The following FRYL variants were observed in gnomAD, a reference collection of about 807,000 sequenced individuals.
FRYL encodes the protein FRY like transcription coactivator.
Under a neutral mutation model 351.2 loss-of-function variants are expected in FRYL, and 150 were observed. The observed-to-expected ratio is 0.43, with a 90% CI of 0.37 to 0.49. The LOEUF (loss-of-function observed/expected upper bound fraction) is 0.49. Among genes scored for constraint, FRYL ranks in the 20% least tolerant of loss-of-function variants. The pLI is 0.00. For missense variants in FRYL, 3,036 were observed against 3,619.3 expected (o/e 0.84, Z 4.13); for synonymous variants, 1,153 against 1,257.1 (o/e 0.92, Z 1.75).
At chr4:48,716,190 A>G (rs1168004151) in intron 1 of FRYL, among the ~76,000 whole-genome samples, 1 of 151,848 alleles carries the variant, frequency 6.6e-6, no homozygotes, top group Non-Finnish European at 1.5e-5. Context: ...AAACCTAGGC[A>G]TTACCATTCA....
chr4:48,675,383 G>A (rs1303083130), intron 3 of FRYL, among the ~76,000 whole-genome samples: 2 of 152,214 alleles, frequency 1.3e-5, no homozygotes, highest in African/African-American at 4.8e-5. Context: ...CGGCGCTTGC[G>A]GGCCAGCTGG....
intron 3 of FRYL, among the ~76,000 whole-genome samples, chr4:48,676,058 G>A (rs952315241): frequency 2.6e-5 from 4 of 152,086 alleles, no homozygotes; most frequent in Non-Finnish European, 5.9e-5. Context: ...ATCTAGCTCA[G>A]GGATTGTAAA....
chr4:48,628,431 C>CGT (rs397993302), intron 4 of FRYL, among the ~76,000 whole-genome samples: 43,718 of 144,562 alleles, frequency 0.3, 7,732 homozygotes, highest in African/African-American at 0.5. Context: ...CCTTCATTTG[C>CGT]GTGTGTGTGT....
intron 26 of FRYL, among the ~76,000 whole-genome samples, chr4:48,571,473 C>T (rs921612095): frequency 6.6e-6 from 1 of 152,156 alleles, no homozygotes; most frequent in Non-Finnish European, 1.5e-5. Context: ...AACATTTCAA[C>T]GTGATTCTGC....
At chr4:48,740,593 C>A (rs1157916296) in intron 1 of FRYL, among the ~76,000 whole-genome samples, 1 of 152,044 alleles carries the variant, frequency 6.6e-6, no homozygotes, top group East Asian at 1.9e-4. Flanking sequence ...CCATGCCCGG[C>A]CACAACCTGA....
intron 16 of FRYL, among the ~76,000 whole-genome samples, chr4:48,592,840 T>A (rs1316990338): frequency 6.6e-6 from 1 of 152,190 alleles, no homozygotes; most frequent in East Asian, 1.9e-4. Flanking sequence ...AAAAGCTGCA[T>A]TATCTTTCCA....
At position 48,498,351 on chromosome 4, in the gene FRYL, T is replaced by C. The variant is rs1718840158; in HGVS notation, c.*1071A>G. On this transcript the variant is annotated 3_prime_UTR_variant, in exon 64 of 64. Transcript: ENST00000358350. The stretch of plus-strand genomic sequence containing the variant: ...TATATTCCATCATCAATGACCACAA[T>C]TTTTCTTTAGCTTTGTACACCTATT... 1 of 152,264 alleles carries C rather than the reference T, an allele frequency of 6.6e-6. No homozygotes were observed. The highest frequency in any genetic ancestry group is 1.5e-5 in the Non-Finnish European group (1 of 68,038). The allele number at this position is 152,264 out of a possible 1,614,324, so 9.4% of individuals were successfully genotyped here. A position where few individuals can be genotyped will look rare whatever the true frequency, so the allele number is the denominator to read the frequency against.
chr4:48,556,310 T>C (rs1366432099), intron 35 of FRYL, among the ~76,000 whole-genome samples: 1 of 152,240 alleles, frequency 6.6e-6, no homozygotes, highest in Non-Finnish European at 1.5e-5. Context: ...TGTGAGCATG[T>C]GTGTCCATTT....
intron 4 of FRYL, among the ~76,000 whole-genome samples, chr4:48,630,424 G>A (rs1318280351): frequency 6.6e-6 from 1 of 152,036 alleles, no homozygotes; most frequent in African/African-American, 2.4e-5. Flanking sequence ...TTAAAATGCT[G>A]GGCCTAAATC....
At chr4:48,720,278 A>T (rs952817487) in intron 1 of FRYL, among the ~76,000 whole-genome samples, 6 of 152,008 alleles carry the variant, frequency 3.9e-5, no homozygotes, top group African/African-American at 1.4e-4. Context: ...TGGGGAGATC[A>T]TGAGGTCAGG....
intron 13 of FRYL, among the ~76,000 whole-genome samples, chr4:48,601,241 T>C (rs1264278121): frequency 2.0e-5 from 3 of 152,340 alleles, no homozygotes; most frequent in Admixed American, 6.5e-5. Context: ...AAATGGAATG[T>C]CATGTCTGCA....
chr4:48,756,356 C>T (rs1397466230), intron 1 of FRYL, among the ~76,000 whole-genome samples: 1 of 152,010 alleles, frequency 6.6e-6, no homozygotes, highest in Non-Finnish European at 1.5e-5. Flanking sequence ...GAGCACATTC[C>T]TCACTCAAAT....
intron 1 of FRYL, among the ~76,000 whole-genome samples, chr4:48,712,522 A>G (rs957619300): frequency 6.6e-6 from 1 of 152,232 alleles, no homozygotes; most frequent in Admixed American, 6.5e-5. Flanking sequence ...TAGAGAAAAA[A>G]GAATAAAAAG....
chr4:48,548,159 T>A (rs1263645001), intron 40 of FRYL, among the ~76,000 whole-genome samples: 1 of 152,014 alleles, frequency 6.6e-6, no homozygotes, highest in African/African-American at 2.4e-5. Context: ...AGTGTGCCCA[T>A]CAGGAAAACT....
At chr4:48,675,319 C>T (rs1420362621) in intron 3 of FRYL, among the ~76,000 whole-genome samples, 1 of 152,220 alleles carries the variant, frequency 6.6e-6, no homozygotes, top group Non-Finnish European at 1.5e-5. Flanking sequence ...CCCACTCCCT[C>T]ACCTTGCAGG....
At chr4:48,655,709 T>C (rs1321744676) in intron 3 of FRYL, among the ~76,000 whole-genome samples, 2 of 146,788 alleles carry the variant, frequency 1.4e-5, no homozygotes, top group African/African-American at 2.5e-5. Context: ...AATGTATATA[T>C]ACATATAATG....
intron 18 of FRYL, among the ~76,000 whole-genome samples, chr4:48,588,212 A>T (rs1742543729): frequency 6.6e-6 from 1 of 152,238 alleles, no homozygotes; most frequent in African/African-American, 2.4e-5. Context: ...GAAATAGATA[A>T]TCAAAAGAGG....
intron 3 of FRYL, among the ~76,000 whole-genome samples, chr4:48,645,173 A>G (rs940676926): frequency 6.3e-5 from 7 of 111,922 alleles, no homozygotes; most frequent in African/African-American, 2.0e-4. Context: ...GCAAATACTA[A>G]AAAGAATGCA....
chr4:48,576,259 AAC>A (rs770517981), intron 23 of FRYL, 37 bp from the exon 24 acceptor site: 2 of 1,447,124 alleles, frequency 1.4e-6, no homozygotes, highest in Admixed American at 2.4e-5. Flanking sequence ...AGATATGAAT[AAC>A]ACAACACGTT....
Sources: gnomAD v4.1 joint callset for allele counts (sites outside exome capture counted in the v4.1 genomes callset) on GRCh38, gnomAD v4.1.1 for gene constraint, MANE v1.5 for transcripts, NCBI Gene and HGNC (gene_info 2026-07-23, HGNC 2026-07-21) for gene names.